HS1BP3: variants seen among roughly 807,000 people sequenced by gnomAD.
HS1BP3 encodes HCLS1-binding protein 3.
A neutral mutation model predicts 33.5 loss-of-function variants in HS1BP3; 32 were observed. That is an observed-to-expected ratio of 0.95 (90% CI 0.72 to 1.28). The LOEUF (loss-of-function observed/expected upper bound fraction) is 1.28. HS1BP3 is among the 50% of genes most tolerant of loss of function. The probability of loss-of-function intolerance (pLI) is 0.00; values close to 1 mark genes in which losing one functional copy is unlikely to be tolerated. For synonymous variants in HS1BP3, 187 were observed against 209.2 expected (o/e 0.89, Z 0.92); for missense variants, 486 against 502.3 (o/e 0.97, Z 0.31).
At chr2:20,601,302 C>G (rs1694063495) in intron 2 of HS1BP3, among the ~76,000 whole-genome samples, 1 of 152,170 alleles carries the variant, frequency 6.6e-6, no homozygotes, top group Non-Finnish European at 1.5e-5. Flanking sequence ...TACTGATAAA[C>G]CATCAGTATC....
the HS1BP3 span, among the ~76,000 whole-genome samples, chr2:20,554,520 C>T: frequency 1.4e-4 from 22 of 152,196 alleles, no homozygotes; most frequent in African/African-American, 2.2e-4. Context: ...GTCAGGAGTT[C>T]GAGACCAGCC....
rs142982808 is a variant in HS1BP3, at chr2:20,630,025, C to T, written c.624-5133G>A. Among the ~76,000 whole-genome samples the T allele has an allele frequency of 4.5e-3, 683 of 152,308 alleles. 2 individuals are homozygous for T. Among genetic ancestry groups the T allele is most frequent in the African/African-American group, 0.015 (628 of 41,578 alleles). ...CCAATGGGCACCAGCTGCTCAGCAC[C>T]GGGTGTACATGCATGGCAGAGGCAT... On this transcript the variant is annotated intron_variant, in intron 4 of 6. Transcript: ENST00000304031.
chr2:20,626,654 A>C (rs544503738), intron 4 of HS1BP3, among the ~76,000 whole-genome samples: 68 of 152,294 alleles, frequency 4.5e-4, no homozygotes, highest in Non-Finnish European at 2.9e-5. Flanking sequence ...GGACTGCTCC[A>C]AGAAGGCCCA....
Position 20,624,003 on chromosome 2 carries a change from G to A in HS1BP3, c.813C>T (p.Leu271=), listed in dbSNP as rs369008161. The change falls in exon 6 of 7, where the codon CTC becomes CTT. Residue 271 remains leucine (L), a synonymous_variant. Coordinates refer to ENST00000304031, the MANE Select transcript of HS1BP3 (RefSeq NM_022460.4). Reference sequence around the variant, plus strand: ...AGTCACCCAGGGGGATGGCCCCGCCGAGGTCAGGATCATCAAATAGCTTCA... The same window carrying A: ...AGTCACCCAGGGGGATGGCCCCGCCAAGGTCAGGATCATCAAATAGCTTCA... ...DPLKLFDDPD[L]GGAIPLGDSL... 8.1e-5 allele frequency: 130 copies of A among 1,612,398 alleles called. 1 individual carries two copies. Among genetic ancestry groups the A allele is most frequent in the South Asian group, 3.4e-4 (31 of 91,020 alleles).
rs142346986 is a variant in HS1BP3 at position 20,585,285 on chromosome 2, T to TGA, written c.303-24772_303-24771dup. 6.9e-3 allele frequency among the ~76,000 whole-genome samples: 1,046 copies of TGA among 152,330 alleles called. 12 individuals carry two copies. Among genetic ancestry groups the TGA allele is most frequent in the African/African-American group, 0.023 (962 of 41,570 alleles). ...GTTTATTCAGAGCTCAGCGCTAGGC[T>TGA]GAGCCCTTTACATAGTGTGGCCATA... On this transcript the variant is annotated intron_variant, in intron 5 of 5. Coordinates refer to the HS1BP3 transcript ENST00000446825.
chr2:20,637,196 G>C (rs563600550), intron 4 of HS1BP3: 1 of 152,404 alleles, frequency 6.6e-6, no homozygotes, highest in South Asian at 2.1e-4. Flanking sequence ...TTCAGCCAAA[G>C]GTTGGCACAG....
At chr2:20,631,553 A>T (rs6531251) in intron 4 of HS1BP3, among the ~76,000 whole-genome samples, 96,444 of 108,370 alleles carry the variant, frequency 0.89, 42,937 homozygotes, top group South Asian at 0.94. Flanking sequence ...AAAAAAAAAA[A>T]GGGGCCAGCC....
downstream of HS1BP3, among the ~76,000 whole-genome samples, chr2:20,590,593 C>T (rs13032956): frequency 0.66 from 100,933 of 152,198 alleles, 36,809 homozygotes; most frequent in East Asian, 0.81. Flanking sequence ...TGGCATGGCC[C>T]GGCCCATCTG....
intron 4 of HS1BP3, 95 bp downstream of exon 4, chr2:20,638,341 G>A: frequency 2.4e-6 from 3 of 1,267,340 alleles, no homozygotes; most frequent in South Asian, 1.4e-5. Context: ...GACCTGGGAT[G>A]CTCAGGGCTT....
chr2:20,562,883 C>T (rs1012980217), intron 5 of HS1BP3, among the ~76,000 whole-genome samples: 2 of 152,166 alleles, frequency 1.3e-5, no homozygotes, highest in Non-Finnish European at 2.9e-5. Flanking sequence ...TTGGTTTTCT[C>T]TATCCCTAAT....
intron 2 of HS1BP3, among the ~76,000 whole-genome samples, chr2:20,604,773 G>A (rs867315914): frequency 2.6e-5 from 4 of 152,102 alleles, no homozygotes; most frequent in South Asian, 4.2e-4. Flanking sequence ...CAAGCAGGTC[G>A]CAGAGGAGGG....
chr2:20,589,640 A>G (rs1224484117), downstream of HS1BP3, among the ~76,000 whole-genome samples: 1 of 152,210 alleles, frequency 6.6e-6, no homozygotes, highest in Non-Finnish European at 1.5e-5. Context: ...GAAAACACCA[A>G]GTTCTAGGGT....
chr2:20,600,655 A>G (rs759565647), intron 2 of HS1BP3, among the ~76,000 whole-genome samples: 48 of 152,248 alleles, frequency 3.2e-4, no homozygotes, highest in Non-Finnish European at 5.9e-4. Context: ...GATATGTGGA[A>G]ACAAGTTCAC....
rs768112807 is a variant in HS1BP3 at position 20,645,385 on chromosome 2, C to T, written c.153G>A (p.Ala51=). ...CGGGCCTGTGCTTGGCCGACTTGAA[C>T]GCAGCCAGACGGGTCACCACCAGGA... ...YQILVVTRLA[A]FKSAKHRPED... is the part of the protein sequence containing the mutation. The change falls in exon 2 of 7, where the codon GCG becomes GCA. Residue 51 remains alanine, a synonymous_variant. Transcript: ENST00000304031. The T allele has an allele frequency of 2.0e-5, 32 of 1,613,948 alleles. No individual in the cohort carries two copies. Among genetic ancestry groups the T allele is most frequent in the Middle Eastern group, 1.6e-4 (1 of 6,084 alleles).
intron 5 of HS1BP3, among the ~76,000 whole-genome samples, chr2:20,574,904 G>A (rs1374799124): frequency 9.9e-5 from 15 of 152,202 alleles, no homozygotes; most frequent in Non-Finnish European, 1.5e-5. Flanking sequence ...GAACTGTGGG[G>A]AAATCAGGGG....
intron 2 of HS1BP3, among the ~76,000 whole-genome samples, chr2:20,610,377 T>C (rs760969067): frequency 6.6e-6 from 1 of 152,144 alleles, no homozygotes; most frequent in Non-Finnish European, 1.5e-5. Flanking sequence ...TTCATCCCTC[T>C]CTTCCCCTTG....
chr2:20,554,648 G>A, the HS1BP3 span, among the ~76,000 whole-genome samples: 10 of 151,606 alleles, frequency 6.6e-5, no homozygotes, highest in African/African-American at 2.4e-4. Context: ...CTTGAACCCA[G>A]GAGGCGGAGG....
chr2:20,646,024 A>C, intron 1 of HS1BP3, among the ~76,000 whole-genome samples: 1 of 152,204 alleles, frequency 6.6e-6, no homozygotes, highest in East Asian at 1.9e-4. Context: ...AGGCACTGAT[A>C]GGCCCGTCCC....
downstream of HS1BP3, among the ~76,000 whole-genome samples, chr2:20,560,215 G>T (rs942994427): frequency 1.3e-5 from 2 of 152,222 alleles, no homozygotes; most frequent in African/African-American, 4.8e-5. Flanking sequence ...TGGTTCCAGG[G>T]CTGGTAGAAG....
Sources: gnomAD v4.1 joint callset for allele counts (sites outside exome capture counted in the v4.1 genomes callset) on GRCh38, gnomAD v4.1.1 for gene constraint, MANE v1.5 for transcripts, NCBI Gene and HGNC (gene_info 2026-07-23, HGNC 2026-07-21) for gene names.